The following HTATIP2 variants were observed in gnomAD, a reference collection of about 807,000 sequenced individuals.
HTATIP2 encodes protein HTATIP2.
Under a neutral mutation model 24.7 loss-of-function variants are expected in HTATIP2, and 26 were observed. The ratio of observed to expected loss-of-function variants is 1.05; its 90% CI spans 0.77 to 1.46. HTATIP2 has a LOEUF of 1.46. Among genes scored for constraint, HTATIP2 ranks in the 40% most tolerant of loss-of-function variants. HTATIP2 has a pLI of 0.00. For missense variants in HTATIP2, 284 were observed against 289.6 expected (o/e 0.98, Z 0.14); for synonymous variants, 99 against 113.2 (o/e 0.87, Z 0.79).
In HTATIP2 at chr11:20,383,072, A is replaced by C. The variant is rs79296772; in HGVS notation, c.596A>C (p.His199Pro). Reference sequence around the variant, plus strand: ...TTACCAGACTCTTGGGCCAGTGGGCATTCTGTGCCTGTGGTGACCGTGGTT... The same window carrying C: ...TTACCAGACTCTTGGGCCAGTGGGCCTTCTGTGCCTGTGGTGACCGTGGTT... Reference protein sequence around the residue: ...GSLPDSWASGHSVPVVTVVRA... With the variant: ...GSLPDSWASGPSVPVVTVVRA... The change falls in exon 5 of 5, where the codon CAT becomes CCT. Residue 199 changes from histidine to proline, a missense_variant. By Grantham distance (77) the His-to-Pro change is moderately conservative. Coordinates refer to ENST00000451739, the MANE Select transcript of HTATIP2 (RefSeq NM_001098522.2). The C allele has an allele frequency of 3.5e-5, 56 of 1,613,674 alleles. No individual in the cohort carries two copies. In the East Asian group the frequency reaches 1.2e-3, roughly 33 times the overall value.
At chr11:20,375,470 C>T (rs749719686) in intron 2 of HTATIP2, among the ~76,000 whole-genome samples, 3 of 152,118 alleles carry the variant, frequency 2.0e-5, no homozygotes, top group Non-Finnish European at 4.4e-5. Context: ...ACTTGGGAGG[C>T]TGAGGCAGGA....
At chr11:20,369,016 T>G (rs951825234) in intron 2 of HTATIP2, among the ~76,000 whole-genome samples, 1 of 152,152 alleles carries the variant, frequency 6.6e-6, no homozygotes, top group Non-Finnish European at 1.5e-5. Context: ...AGGTTAGTGG[T>G]GGAAAGCAAG....
chr11:20,374,235 G>A (rs1048482388), intron 2 of HTATIP2, among the ~76,000 whole-genome samples: 6 of 152,164 alleles, frequency 3.9e-5, no homozygotes, highest in Non-Finnish European at 8.8e-5. Context: ...CTATACTTAT[G>A]TTTACTTTTA....
chr11:20,366,099 CT>C (rs746247166), intron 1 of HTATIP2, among the ~76,000 whole-genome samples: 543 of 108,668 alleles, frequency 5.0e-3, no homozygotes, highest in African/African-American at 0.014. Context: ...CTTTTCTTTT[CT>C]TTTTTTTTTT....
At chr11:20,381,825 C>CT (rs1848525816) in intron 3 of HTATIP2, among the ~76,000 whole-genome samples, 1 of 152,216 alleles carries the variant, frequency 6.6e-6, no homozygotes, top group Admixed American at 6.5e-5. Context: ...ACGTTAGTGT[C>CT]TGCTAGCATG....
In HTATIP2 at chr11:20,382,255, A is replaced by G. The variant is rs759547531; in HGVS notation, c.503+16A>G. 2 of 1,422,394 alleles carry G rather than the reference A, an allele frequency of 1.4e-6. No homozygotes were observed. The highest frequency in any genetic ancestry group is 2.3e-5 in the East Asian group (1 of 43,978). The allele number at this position is 1,422,394 out of a possible 1,614,324, so 88.1% of individuals were successfully genotyped here. ...TTAGGCCTGGGTAAGTATAATATTT[A>G]TACTGAATGAGAGTATGCCACTGAT... On this transcript the variant is annotated intron_variant, in intron 4 of 4. Coordinates refer to ENST00000451739, the MANE Select transcript of HTATIP2 (RefSeq NM_001098522.2).
intron 2 of HTATIP2, among the ~76,000 whole-genome samples, chr11:20,374,301 G>T (rs957708339): frequency 1.3e-5 from 2 of 152,146 alleles, no homozygotes; most frequent in African/African-American, 4.8e-5. Context: ...TTTTAAAATT[G>T]AATTCTGTAT....
At chr11:20,364,705 T>C (rs1230717688) in intron 1 of HTATIP2, among the ~76,000 whole-genome samples, 1 of 151,912 alleles carries the variant, frequency 6.6e-6, no homozygotes, top group Non-Finnish European at 1.5e-5. Context: ...GTAATGGGGG[T>C]GGGGGCTGGT....
rs149013390 is a variant in HTATIP2 at position 20,373,695 on chromosome 11, T to A, written c.304-2885T>A. 2.7e-3 allele frequency among the ~76,000 whole-genome samples: 404 copies of A among 152,364 alleles called. 1 individual carries two copies. Among genetic ancestry groups the A allele is most frequent in the African/African-American group, 9.5e-3 (396 of 41,584 alleles). On this transcript the variant is annotated intron_variant, in intron 2 of 4. Coordinates refer to ENST00000451739, the MANE Select transcript of HTATIP2 (RefSeq NM_001098522.2). ...TAACCTGTCATTAAAATCAGAGTTC[T>A]GATAAACTGGCATGAGGGGAAGAAA...
intron 4 of HTATIP2, 41 bp downstream of exon 4, chr11:20,382,280 T>C: frequency 9.4e-7 from 1 of 1,065,606 alleles, no homozygotes; most frequent in Non-Finnish European, 1.4e-6. Context: ...ATGCCACTGA[T>C]GGTTAATCCC....
chr11:20,370,904 C>T (rs1231791092), intron 2 of HTATIP2, among the ~76,000 whole-genome samples: 1 of 152,178 alleles, frequency 6.6e-6, no homozygotes, highest in African/African-American at 2.4e-5. Flanking sequence ...CCGTCTTGGC[C>T]TCCCAAAGTG....
Position 20,363,991 on chromosome 11 carries a change from T to A in HTATIP2, c.-247T>A, listed in dbSNP as rs2064663906. 3 of 1,270,118 alleles carry A rather than the reference T, an allele frequency of 2.4e-6. No individual in the cohort carries two copies. The African/African-American group carries it at 4.6e-5, about 19-fold the overall frequency. 78.7% of individuals were successfully genotyped at this position (1,270,118 alleles called of 1,614,324 possible). ...GGATACCGTGGGGTATGCCCAGTGATGCCAGCAGCTTGTGGCACCTGGGCG... is the reference window on the plus strand; with the variant it reads ...GGATACCGTGGGGTATGCCCAGTGAAGCCAGCAGCTTGTGGCACCTGGGCG... On this transcript the variant is annotated 5_prime_UTR_variant, in exon 1 of 5. An upstream start codon of the reference 5' UTR is lost. Coordinates refer to ENST00000451739, the MANE Select transcript of HTATIP2 (RefSeq NM_001098522.2).
chr11:20,380,561 G>A (rs1322978564), intron 3 of HTATIP2, among the ~76,000 whole-genome samples: 1 of 151,402 alleles, frequency 6.6e-6, no homozygotes, highest in Non-Finnish European at 1.5e-5. Flanking sequence ...AGTCCCAGCT[G>A]CTCGGGAGGC....
At chr11:20,377,382 C>G (rs1848462067) in intron 3 of HTATIP2, among the ~76,000 whole-genome samples, 1 of 152,186 alleles carries the variant, frequency 6.6e-6, no homozygotes, top group African/African-American at 2.4e-5. Flanking sequence ...TGCGTCTGGC[C>G]TCAACTTTCT....
intron 3 of HTATIP2, among the ~76,000 whole-genome samples, chr11:20,377,636 C>T (rs984154666): frequency 1.3e-5 from 2 of 152,188 alleles, no homozygotes; most frequent in Non-Finnish European, 2.9e-5. Flanking sequence ...ATGTGAAGTC[C>T]TTTTACAGAA....
At chr11:20,379,279 A>G (rs985128039) in intron 3 of HTATIP2, among the ~76,000 whole-genome samples, 1 of 152,218 alleles carries the variant, frequency 6.6e-6, no homozygotes, top group African/African-American at 2.4e-5. Flanking sequence ...TTTCACTGCA[A>G]TTGGCCTGCA....
At chr11:20,377,614 T>A (rs2133275935) in intron 3 of HTATIP2, among the ~76,000 whole-genome samples, 1 of 152,366 alleles carries the variant, frequency 6.6e-6, no homozygotes, top group South Asian at 2.1e-4. Context: ...CATTCAGCCA[T>A]AGACTTTTCC....
intron 3 of HTATIP2, among the ~76,000 whole-genome samples, chr11:20,380,854 G>T (rs1284310246): frequency 1.1e-4 from 16 of 152,076 alleles, no homozygotes; most frequent in Non-Finnish European, 2.1e-4. Flanking sequence ...GCTATAAAAA[G>T]AAATGATACA....
At chr11:20,379,102 G>T (rs185756222) in intron 3 of HTATIP2, among the ~76,000 whole-genome samples, 1 of 152,106 alleles carries the variant, frequency 6.6e-6, no homozygotes, top group Admixed American at 6.5e-5. Flanking sequence ...GCTGTTAAGC[G>T]GCAAAGCTAG....
Sources: allele counts gnomAD v4.1 joint callset (sites outside exome capture counted in the v4.1 genomes callset), GRCh38; gene constraint gnomAD v4.1.1; transcripts MANE v1.5; gene names NCBI Gene and HGNC (gene_info 2026-07-23, HGNC 2026-07-21).